The following FNTA variants were observed in gnomAD, a reference collection of about 807,000 sequenced individuals.
FNTA encodes protein farnesyltransferase/geranylgeranyltransferase type-1 subunit alpha.
In FNTA, 27 loss-of-function variants were observed where a neutral mutation model predicts 55.2. The ratio of observed to expected loss-of-function variants is 0.49; its 90% CI spans 0.36 to 0.67. The LOEUF is 0.67. Ranked by LOEUF, FNTA falls within the 30% of genes least tolerant of loss-of-function variation. The pLI is 0.00. For synonymous variants in FNTA, 176 were observed against 170.7 expected (o/e 1.03, Z -0.24); for missense variants, 422 against 464.7 (o/e 0.91, Z 0.85).
intron 3 of FNTA, among the ~76,000 whole-genome samples, chr8:43,066,516 C>T (rs1810663536): frequency 1.3e-5 from 2 of 151,808 alleles, no homozygotes; most frequent in Non-Finnish European, 2.9e-5. Flanking sequence ...GCCTCGGCCT[C>T]CCAAAGTGCT....
intron 3 of FNTA, among the ~76,000 whole-genome samples, chr8:43,066,972 T>C (rs1239762877): frequency 2.6e-5 from 4 of 152,252 alleles, no homozygotes; most frequent in Admixed American, 1.3e-4. Flanking sequence ...TCTCACTGTT[T>C]AGGATACCAA....
chr8:43,064,801 TA>T (rs1225485180), intron 3 of FNTA, among the ~76,000 whole-genome samples: 4 of 151,866 alleles, frequency 2.6e-5, no homozygotes, highest in Non-Finnish European at 4.4e-5. Context: ...TAACTGTTAT[TA>T]TTTTTTCATT....
At chr8:43,061,026 A>C (rs1810518646) in intron 2 of FNTA, among the ~76,000 whole-genome samples, 1 of 152,248 alleles carries the variant, frequency 6.6e-6, no homozygotes, top group Non-Finnish European at 1.5e-5. Context: ...ATGACAGGTT[A>C]AAATGAGAAT....
At chr8:43,081,397 A>C (rs973520775) in intron 6 of FNTA, 1 of 152,226 alleles carries the variant, frequency 6.6e-6, no homozygotes, top group Non-Finnish European at 1.5e-5. Flanking sequence ...TACCAATAAC[A>C]GCATTTATCA....
chr8:43,084,634 A>G (rs1489477433), intron 7 of FNTA, 76 bp from the exon 8 acceptor site: 3 of 1,177,368 alleles, frequency 2.5e-6, no homozygotes, highest in Non-Finnish European at 3.6e-6. Context: ...TTCAGGGTTT[A>G]TTTTCTCTTG....
At chr8:43,077,909 CATAAACATTA>C (rs1810946852) in intron 6 of FNTA, 1 of 152,148 alleles carries the variant, frequency 6.6e-6, no homozygotes, top group Non-Finnish European at 1.5e-5. Context: ...ATATTGTATC[CATAAACATTA>C]GTAGCCACGA....
intron 5 of FNTA, chr8:43,076,966 GT>G (rs773240056): frequency 3.1e-5 from 10 of 326,188 alleles, no homozygotes; most frequent in Admixed American, 1.9e-4. Flanking sequence ...TGAGTTTGGG[GT>G]TTTTTTCCCT....
chr8:43,085,626 G>C lies in FNTA; in HGVS notation c.*344G>C, dbSNP rs1227620646. ...TAGCAGTAATAACTGCAGGTCACTT[G>C]TATGTAATGGATGTGAGGTAGCCGA... On this transcript the variant is annotated 3_prime_UTR_variant, in exon 9 of 9. Coordinates refer to ENST00000302279, the MANE Select transcript of FNTA (RefSeq NM_002027.3). The C allele has an allele frequency of 8.4e-6, 2 of 236,698 alleles. No individual in the cohort carries two copies. Among genetic ancestry groups the C allele is most frequent in the Non-Finnish European group, 1.6e-5 (2 of 123,962 alleles). The allele number at this position is 236,698 out of a possible 1,614,324, so 14.7% of individuals were successfully genotyped here. A position where few individuals can be genotyped will look rare whatever the true frequency, so the allele number is the denominator to read the frequency against.
intron 2 of FNTA, among the ~76,000 whole-genome samples, chr8:43,061,616 C>T (rs777271884): frequency 3.9e-5 from 6 of 152,040 alleles, no homozygotes; most frequent in African/African-American, 4.8e-5. Flanking sequence ...ACTATATAAC[C>T]GTTAAGAGGA....
At chr8:43,067,811 C>T (rs1487512627) in intron 3 of FNTA, among the ~76,000 whole-genome samples, 2 of 152,040 alleles carry the variant, frequency 1.3e-5, no homozygotes, top group African/African-American at 2.4e-5. Flanking sequence ...CCTCCGTCAC[C>T]GGGGTTCAAG....
chr8:43,083,736 G>A (rs755865550), intron 7 of FNTA, among the ~76,000 whole-genome samples: 3 of 152,288 alleles, frequency 2.0e-5, no homozygotes, highest in South Asian at 4.1e-4. Context: ...CAGGGGAGGT[G>A]CCTGTAGTAT....
chr8:43,059,104 A>G lies in FNTA; in HGVS notation c.213A>G (p.Glu71=), dbSNP rs754152020. ...PSYVLYRDRA[E]WADIDPVPQN... Reference sequence around the variant, plus strand: ...TGTCTGTTTTCAGGGACAGAGCAGAATGGGCTGATATAGATCCGGTGCCGC... The same window carrying G: ...TGTCTGTTTTCAGGGACAGAGCAGAGTGGGCTGATATAGATCCGGTGCCGC... The change falls in exon 2 of 9, where the codon GAA becomes GAG. Residue 71 remains glutamate (E), a synonymous_variant. Transcript: ENST00000302279. The G allele has an allele frequency of 6.2e-7, 1 of 1,613,492 alleles. No individual in the cohort carries two copies. The highest frequency in any genetic ancestry group is 2.2e-5 in the East Asian group (1 of 44,850).
intron 2 of FNTA, among the ~76,000 whole-genome samples, chr8:43,060,152 A>G (rs1342886236): frequency 1.3e-5 from 2 of 152,236 alleles, no homozygotes; most frequent in Non-Finnish European, 2.9e-5. Context: ...GTCAGAATAT[A>G]TAACTGCACG....
chr8:43,074,485 A>G (rs1415540680), intron 5 of FNTA, among the ~76,000 whole-genome samples: 1 of 152,196 alleles, frequency 6.6e-6, no homozygotes. Context: ...TGCTCACGCC[A>G]CCACAGTCCA....
intron 2 of FNTA, 114 bp downstream of exon 2, chr8:43,059,291 G>C: frequency 1.5e-6 from 1 of 670,454 alleles, no homozygotes; most frequent in East Asian, 2.9e-5. Flanking sequence ...AAATCTGAAT[G>C]ACTTAAGATG....
chr8:43,058,023 A>G (rs1344631379), intron 1 of FNTA, among the ~76,000 whole-genome samples: 2 of 152,074 alleles, frequency 1.3e-5, no homozygotes, highest in African/African-American at 2.4e-5. Context: ...ATTTTGTTAC[A>G]CTGGGTAGGT....
At chr8:43,058,543 G>C (rs977341484) in intron 1 of FNTA, among the ~76,000 whole-genome samples, 4 of 152,068 alleles carry the variant, frequency 2.6e-5, no homozygotes, top group Non-Finnish European at 5.9e-5. Flanking sequence ...AGGCCGAGGC[G>C]GGCGGATCAC....
chr8:43,064,020 TTATAGG>T, intron 2 of FNTA, 75 bp from the exon 3 acceptor site: 5 of 853,472 alleles, frequency 5.9e-6, no homozygotes, highest in Non-Finnish European at 9.5e-6. Context: ...TAAAATATCT[TTATAGG>T]TATAGTGACA....
intron 2 of FNTA, among the ~76,000 whole-genome samples, chr8:43,062,173 ATGTGTGTGTG>A (rs35607201): frequency 1.3e-4 from 20 of 149,012 alleles, no homozygotes; most frequent in South Asian, 8.5e-4. Flanking sequence ...TGTATGTTTT[ATGTGTGTGTG>A]TGTGTGTGTG....
Sources: gnomAD v4.1 joint callset for allele counts (sites outside exome capture counted in the v4.1 genomes callset) on GRCh38, gnomAD v4.1.1 for gene constraint, MANE v1.5 for transcripts, NCBI Gene and HGNC (gene_info 2026-07-23, HGNC 2026-07-21) for gene names.